The following TEX9 variants were observed in gnomAD, a reference collection of about 807,000 sequenced individuals.
TEX9 encodes the protein testis-expressed protein 9.
A neutral mutation model predicts 59.6 loss-of-function variants in TEX9; 74 were observed. The observed-to-expected ratio is 1.24, with a 90% CI of 1.03 to 1.51. TEX9 has a LOEUF of 1.51. TEX9 is among the 40% of genes most tolerant of loss of function. The pLI, the probability that TEX9 is intolerant of heterozygous loss-of-function variation, is 0.00. For synonymous variants in TEX9, 186 were observed against 152.2 expected (o/e 1.22, Z -1.64); for missense variants, 522 against 447.8 (o/e 1.17, Z -1.49).
exon 8 of TEX9, chr15:56,394,172 G>T: frequency 1.2e-6 from 2 of 1,607,520 alleles, no homozygotes; most frequent in South Asian, 2.2e-5. Context: ...CAGAAGCACA[G>T]ATCAGATTTC....
intron 1 of TEX9, among the ~76,000 whole-genome samples, chr15:56,359,910 G>A (rs2141914882): frequency 6.6e-6 from 1 of 152,258 alleles, no homozygotes; most frequent in South Asian, 2.1e-4. Context: ...ATATTTCCCT[G>A]TAGTCCTAGT....
intron 1 of TEX9, among the ~76,000 whole-genome samples, chr15:56,312,568 T>G (rs1286442784): frequency 2.0e-5 from 3 of 150,234 alleles, no homozygotes; most frequent in Non-Finnish European, 3.0e-5. Context: ...TAGTTTGAGG[T>G]CAGGTAGTGT....
At chr15:56,304,404 G>T (rs568256793) in intron 1 of TEX9, among the ~76,000 whole-genome samples, 2 of 152,096 alleles carry the variant, frequency 1.3e-5, no homozygotes, top group Non-Finnish European at 2.9e-5. Flanking sequence ...TTTTTATTTT[G>T]TTGAGGTATC....
chr15:56,305,626 A>G (rs1184052694), intron 1 of TEX9, among the ~76,000 whole-genome samples: 1 of 152,204 alleles, frequency 6.6e-6, no homozygotes, highest in Non-Finnish European at 1.5e-5. Flanking sequence ...AATCAAATCA[A>G]AGTGGATTAA....
intron 2 of TEX9, among the ~76,000 whole-genome samples, chr15:56,369,945 A>T (rs986565702): frequency 6.8e-6 from 1 of 147,480 alleles, no homozygotes; most frequent in Non-Finnish European, 1.5e-5. Flanking sequence ...GACTTATTTA[A>T]ATCTTCTTGA....
At chr15:56,273,081 G>A (rs2044585006) in intron 1 of TEX9, among the ~76,000 whole-genome samples, 1 of 151,922 alleles carries the variant, frequency 6.6e-6, no homozygotes, top group Admixed American at 6.6e-5. Flanking sequence ...AGCCTCCTGA[G>A]TAACTGGGAC....
intron 1 of TEX9, among the ~76,000 whole-genome samples, chr15:56,245,802 A>G (rs2043838537): frequency 6.6e-6 from 1 of 152,206 alleles, no homozygotes; most frequent in Non-Finnish European, 1.5e-5. Context: ...CTGGAAGTTT[A>G]ATTCCAGAGC....
At chr15:56,272,457 G>A (rs1349230675) in intron 1 of TEX9, among the ~76,000 whole-genome samples, 5 of 152,198 alleles carry the variant, frequency 3.3e-5, no homozygotes, top group African/African-American at 1.2e-4. Context: ...GCTTCTTATG[G>A]TTGAACAAGA....
intron 12 of TEX9, among the ~76,000 whole-genome samples, chr15:56,435,237 C>A (rs1306360730): frequency 1.3e-5 from 2 of 151,636 alleles, no homozygotes; most frequent in African/African-American, 2.4e-5. Flanking sequence ...AGTCTCAAAT[C>A]GATAATCTAA....
intron 11 of TEX9, 21 bp from the exon 12 acceptor site, chr15:56,428,346 T>C: frequency 6.3e-7 from 1 of 1,585,188 alleles, no homozygotes; most frequent in South Asian, 1.1e-5. Context: ...AATCAGACAA[T>C]ATTGATTTTT....
At chr15:56,384,520 GA>G (rs2047877101) in intron 4 of TEX9, among the ~76,000 whole-genome samples, 1 of 152,092 alleles carries the variant, frequency 6.6e-6, no homozygotes, top group Admixed American at 6.6e-5. Flanking sequence ...GGACCATGTA[GA>G]AAAAAGGATC....
chr15:56,297,581 T>C (rs914864038), intron 1 of TEX9, among the ~76,000 whole-genome samples: 1 of 152,234 alleles, frequency 6.6e-6, no homozygotes, highest in Non-Finnish European at 1.5e-5. Context: ...CTTGGCTCAC[T>C]GCAACCTCTG....
chr15:56,408,175 T>C (rs1364245853), intron 9 of TEX9, among the ~76,000 whole-genome samples: 2 of 152,226 alleles, frequency 1.3e-5, no homozygotes, highest in Non-Finnish European at 2.9e-5. Context: ...CTATACCTCA[T>C]GTGCCATTTT....
At chr15:56,399,086 G>A (rs1273308351) in intron 9 of TEX9, among the ~76,000 whole-genome samples, 3 of 152,190 alleles carry the variant, frequency 2.0e-5, no homozygotes, top group Non-Finnish European at 4.4e-5. Context: ...TGAGGTACCT[G>A]GTTCATCTCA....
intron 1 of TEX9, among the ~76,000 whole-genome samples, chr15:56,309,712 T>G (rs1209185004): frequency 2.1e-5 from 3 of 140,370 alleles, no homozygotes; most frequent in African/African-American, 7.7e-5. Context: ...TTTTTTTTTT[T>G]TTTTTTTTTT....
chr15:56,446,059 T>C (rs1178297351), downstream of TEX9: 1 of 152,000 alleles, frequency 6.6e-6, no homozygotes, highest in African/African-American at 2.4e-5. Context: ...CACACACATA[T>C]ATGTGTCATT....
chr15:56,247,362 G>T (rs1320539608), intron 1 of TEX9, among the ~76,000 whole-genome samples: 1 of 152,174 alleles, frequency 6.6e-6, no homozygotes, highest in African/African-American at 2.4e-5. Flanking sequence ...TAGTGTTGTG[G>T]AGTCATAATG....
intron 2 of TEX9, among the ~76,000 whole-genome samples, chr15:56,369,929 T>A (rs555120659): frequency 2.0e-5 from 3 of 151,960 alleles, no homozygotes; most frequent in East Asian, 3.9e-4. Context: ...TGGGAATATC[T>A]TGTTTGACTT....
chr15:56,264,731 C>G (rs1388054408), intron 1 of TEX9, among the ~76,000 whole-genome samples: 1 of 152,128 alleles, frequency 6.6e-6, no homozygotes, highest in Non-Finnish European at 1.5e-5. Flanking sequence ...TTTATAGATT[C>G]AATATTTCAT....
Sources: gnomAD v4.1 joint callset for allele counts (sites outside exome capture counted in the v4.1 genomes callset) on GRCh38, gnomAD v4.1.1 for gene constraint, MANE v1.5 for transcripts, NCBI Gene and HGNC (gene_info 2026-07-23, HGNC 2026-07-21) for gene names.